The following ATP2C2 variants were observed in gnomAD, a reference collection of about 807,000 sequenced individuals.
ATP2C2 encodes ATPase secretory pathway Ca2+ transporting 2.
In ATP2C2, 171 loss-of-function variants were observed where a neutral mutation model predicts 110.8. The ratio of observed to expected loss-of-function variants is 1.54; its 90% CI spans 1.36 to 1.75. The LOEUF is 1.75. Among genes scored for constraint, ATP2C2 ranks in the 40% most tolerant of loss-of-function variants. ATP2C2 has a pLI of 0.00. For synonymous variants in ATP2C2, 804 were observed against 508.4 expected, an observed-to-expected ratio of 1.58 and a Z score of -7.82; for missense variants, 1,963 against 1,235.0, an observed-to-expected ratio of 1.59 and a Z score of -8.84.
At position 84,423,133 on chromosome 16, in the gene ATP2C2, A is replaced by G. The variant is rs1183462112; in HGVS notation, c.844-55A>G. On this transcript the variant is annotated intron_variant, in intron 9 of 26. Coordinates refer to ENST00000262429, the MANE Select transcript of ATP2C2 (RefSeq NM_014861.4). ...GGCAAGGTGAAGACATTTTGAACAA[A>G]GGCAGGCAGAAGCTAGGATCTTGTC... The G allele has an allele frequency of 1.1e-5, 16 of 1,489,242 alleles. No individual in the cohort carries two copies. The Admixed American group carries it at 2.4e-4, about 22-fold the overall frequency. 92.3% of individuals were successfully genotyped at this position (1,489,242 alleles called of 1,614,324 possible).
In ATP2C2 at chr16:84,439,251, C is replaced by T. The variant is rs771774140; in HGVS notation, c.1072C>T (p.Arg358Trp). ...GGGAGTGCTGCGGATGGCCAAGAAG[C>T]GGGTCATCGTGAAGAAGTTACCCAT... Reference protein sequence around the residue: ...VLGVLRMAKKRVIVKKLPIVE... With the variant: ...VLGVLRMAKKWVIVKKLPIVE... Residue 358 changes from arginine to tryptophan, a missense_variant, in exon 12 of 27, where the codon CGG becomes TGG. Coordinates refer to ENST00000262429, the MANE Select transcript of ATP2C2 (RefSeq NM_014861.4). The T allele has an allele frequency of 2.1e-5, 34 of 1,612,294 alleles. No individual in the cohort carries two copies. The highest frequency in any genetic ancestry group is 4.0e-5 in the African/African-American group (3 of 74,834).
Position 84,459,318 on chromosome 16 carries a change from G to T in ATP2C2, c.2265G>T (p.Leu755=), listed in dbSNP as rs181099197. Residue 755 remains leucine (L), a synonymous_variant, in exon 23 of 27, where the codon CTG becomes CTT. Transcript: ENST00000262429. ...SLITLSTVFN[L]PSPLNAMQIL... is the part of the protein sequence containing the mutation. ...TCACTCTGTCCACCGTGTTCAACCT[G>T]CCCAGCCCCCTCAACGCCATGCAGA... 1.5e-4 allele frequency: 249 copies of T among 1,614,172 alleles called. 2 individuals carry two copies. In the African/African-American group the frequency reaches 2.9e-3, roughly 19 times the overall value.
At chr16:84,418,014 A>T (rs553457088) in intron 7 of ATP2C2, among the ~76,000 whole-genome samples, 1 of 152,314 alleles carries the variant, frequency 6.6e-6, no homozygotes, top group African/African-American at 2.4e-5. Context: ...GGGTCCCAGA[A>T]CATTATTTTC....
intron 4 of ATP2C2, among the ~76,000 whole-genome samples, chr16:84,409,214 C>G (rs1189221837): frequency 6.6e-6 from 1 of 152,176 alleles, no homozygotes; most frequent in Non-Finnish European, 1.5e-5. Flanking sequence ...AAACTAAACA[C>G]TGCATGATCT....
chr16:84,397,538 A>C (rs887256365), intron 1 of ATP2C2, among the ~76,000 whole-genome samples: 14 of 150,904 alleles, frequency 9.3e-5, no homozygotes, highest in Admixed American at 4.6e-4. Context: ...AGCCAGGCAC[A>C]ATAGCATGCA....
chr16:84,377,285 T>G (rs545455110), intron 1 of ATP2C2, among the ~76,000 whole-genome samples: 1 of 152,298 alleles, frequency 6.6e-6, no homozygotes, highest in South Asian at 2.1e-4. Context: ...CGGGAGCTGG[T>G]GGGAGCTTTC....
At chr16:84,397,308 C>G (rs1263467190) in intron 1 of ATP2C2, among the ~76,000 whole-genome samples, 2 of 151,434 alleles carry the variant, frequency 1.3e-5, no homozygotes, top group Non-Finnish European at 2.9e-5. Flanking sequence ...TTTAAAATGT[C>G]CCATAGAACC....
intron 21 of ATP2C2, 115 bp from the exon 22 acceptor site, chr16:84,459,005 G>C (rs1240740663): frequency 7.8e-6 from 9 of 1,152,120 alleles, no homozygotes; most frequent in Admixed American, 7.3e-5. Flanking sequence ...ACCAGCAGGG[G>C]CCCAAGTATA....
At chr16:84,462,160 C>T (rs560611240) in intron 26 of ATP2C2, 31 bp downstream of exon 26, 12 of 1,598,378 alleles carry the variant, frequency 7.5e-6, no homozygotes, top group Admixed American at 1.7e-5. Context: ...CGACAGGTGA[C>T]CTCGACCAGG....
intron 11 of ATP2C2, 105 bp downstream of exon 11, chr16:84,425,906 G>T: frequency 1.4e-6 from 2 of 1,420,696 alleles, no homozygotes; most frequent in East Asian, 2.3e-5. Context: ...AGGAAGGGTT[G>T]GGAAGGTGCA....
At position 84,410,510 on chromosome 16, in the gene ATP2C2, C is replaced by T. The variant is rs564755926; in HGVS notation, c.418-58C>T. 6 of 1,575,810 alleles carry T rather than the reference C, an allele frequency of 3.8e-6. No homozygotes were observed. The South Asian group carries it at 4.4e-5, about 12-fold the overall frequency. ...AAGACAAGCCCCTAGCCTGCCACGC[C>T]CTGTCCCCCCTCCCACTGAGCCTCT... On this transcript the variant is annotated intron_variant, in intron 4 of 26. Transcript: ENST00000262429.
chr16:84,405,145 G>T lies in ATP2C2; in HGVS notation c.228G>T (p.Gly76=), dbSNP rs755631817. The change falls in exon 3 of 27, where the codon GGG becomes GGT. Residue 76 remains glycine, a synonymous_variant. Coordinates refer to ENST00000262429, the MANE Select transcript of ATP2C2 (RefSeq NM_014861.4). ...CCTTCCAGGTGGACTTACACACTGG[G>T]CTGTCGGAGTTCTCGGTGACGCAGC... is the stretch of plus-strand genomic sequence containing the variant. The part of the protein sequence containing the change: ...ARAFCVDLHT[G]LSEFSVTQRR... The T allele has an allele frequency of 1.9e-6, 3 of 1,613,962 alleles. No homozygotes were observed. The highest frequency in any genetic ancestry group is 2.5e-6 in the Non-Finnish European group (3 of 1,180,008).
At chr16:84,423,319 T>G in intron 10 of ATP2C2, 56 bp downstream of exon 10, 1 of 1,528,056 alleles carries the variant, frequency 6.5e-7, no homozygotes, top group Non-Finnish European at 9.1e-7. Flanking sequence ...GGAGCCATCA[T>G]AGGGGGGTTG....
At chr16:84,448,193 C>G (rs1250822746) in intron 16 of ATP2C2, among the ~76,000 whole-genome samples, 1 of 152,150 alleles carries the variant, frequency 6.6e-6, no homozygotes, top group Non-Finnish European at 1.5e-5. Context: ...CCCAGTTAAT[C>G]ACACCCCCAA....
At position 84,448,629 on chromosome 16, in the gene ATP2C2, C is replaced by T; in HGVS notation, c.1600C>T (p.Pro534Ser). The T allele has an allele frequency of 6.2e-7, 1 of 1,614,026 alleles. No homozygotes were observed. The highest frequency in any genetic ancestry group is 8.5e-7 in the Non-Finnish European group (1 of 1,179,952). ...CGGGGGCATCCCCCTGCCGCTGACG[C>T]CCCAGCAGAGGTCATTCTGCCTGCA... ...NNGGIPLPLT[P>S]QQRSFCLQEE... Residue 534 changes from proline to serine, a missense_variant, in exon 17 of 27, where the codon CCC becomes TCC. By Grantham distance (74) the Pro-to-Ser change is moderately conservative (BLOSUM62 -1). Transcript: ENST00000262429.
intron 3 of ATP2C2, among the ~76,000 whole-genome samples, chr16:84,406,249 T>C (rs753561282): frequency 6.6e-6 from 1 of 152,192 alleles, no homozygotes; most frequent in Non-Finnish European, 1.5e-5. Flanking sequence ...AAAACTGCAA[T>C]TGACATGGCT....
intron 1 of ATP2C2, among the ~76,000 whole-genome samples, chr16:84,396,658 C>G (rs532472599): frequency 6.6e-6 from 1 of 151,618 alleles, no homozygotes; most frequent in Admixed American, 6.6e-5. Flanking sequence ...AGTGCCCAGC[C>G]TGCCTCCACC....
chr16:84,438,767 C>A (rs550505487), intron 11 of ATP2C2, among the ~76,000 whole-genome samples: 1 of 152,152 alleles, frequency 6.6e-6, no homozygotes, highest in Non-Finnish European at 1.5e-5. Context: ...AAGGGACTCA[C>A]GAGGACCCCT....
chr16:84,423,858 A>G (rs1907570380), intron 10 of ATP2C2, among the ~76,000 whole-genome samples: 1 of 152,170 alleles, frequency 6.6e-6, no homozygotes, highest in Admixed American at 6.5e-5. Flanking sequence ...CTGGACTGGG[A>G]CTTCCTGACC....
Sources: gnomAD v4.1 joint callset for allele counts (sites outside exome capture counted in the v4.1 genomes callset) on GRCh38, gnomAD v4.1.1 for gene constraint, MANE v1.5 for transcripts, NCBI Gene and HGNC (gene_info 2026-07-23, HGNC 2026-07-21) for gene names.